SLC15A4: variants seen among roughly 807,000 people sequenced by gnomAD.
SLC15A4 encodes solute carrier family 15 member 4, also known as hPHT1.
Under a neutral mutation model 46.1 loss-of-function variants are expected in SLC15A4, and 26 were observed. That is an observed-to-expected ratio of 0.56 (90% confidence interval 0.41 to 0.78). SLC15A4 has a LOEUF of 0.78. Ranked by LOEUF, SLC15A4 falls within the 30% of genes least tolerant of loss-of-function variation. The pLI, the probability that SLC15A4 is intolerant of heterozygous loss-of-function variation, is 0.00. For synonymous variants in SLC15A4, 370 were observed against 333.4 expected, an observed-to-expected ratio of 1.11 and a Z score of -1.20; for missense variants, 751 against 755.7, an observed-to-expected ratio of 0.99 and a Z score of 0.07.
chr12:128,813,106 C>T (rs4760533), intron 2 of SLC15A4: 90,609 of 151,890 alleles, frequency 0.6, 27,315 homozygotes, highest in Non-Finnish European at 0.65. Context: ...TGAAAAAGAC[C>T]TCTAGGATCC....
intron 2 of SLC15A4, chr12:128,814,190 C>CCGCCGTATGATGGACCTGAG (rs1955706607): frequency 1.3e-5 from 1 of 78,482 alleles, no homozygotes; most frequent in South Asian, 2.4e-4. Flanking sequence ...ACAGACCTGA[C>CCGCCGTATGATGGACCTGAG]CGCCGTATGA....
intron 2 of SLC15A4, chr12:128,814,367 G>C (rs1955714881): frequency 5.3e-6 from 1 of 189,070 alleles, no homozygotes; most frequent in Admixed American, 5.4e-5. Flanking sequence ...GACAGGTACT[G>C]ACAGCATAAG....
At chr12:128,795,904 C>T (rs1195611819) in intron 7 of SLC15A4, among the ~76,000 whole-genome samples, 2 of 152,192 alleles carry the variant, frequency 1.3e-5, no homozygotes, top group Non-Finnish European at 2.9e-5. Flanking sequence ...TGCACGAGGT[C>T]GCAGGTGCGT....
chr12:128,798,829 C>T (rs1245923170), intron 7 of SLC15A4, among the ~76,000 whole-genome samples: 1 of 152,124 alleles, frequency 6.6e-6, no homozygotes, highest in African/African-American at 2.4e-5. Flanking sequence ...TTGTCTTTTT[C>T]GTATCAGAAA....
Position 128,823,408 on chromosome 12 carries a change from C to A in SLC15A4, c.536G>T (p.Gly179Val). Residue 179 changes from glycine (G) to valine (V), a missense_variant, in exon 1 of 8, where the codon GGC becomes GTC. By Grantham distance (109) the Gly-to-Val change is moderately radical. Transcript: ENST00000266771. ...ATVKANITPF[G>V]ADQVKDRGPE... is the part of the protein sequence containing the mutation. ...GGGGGCGCGGCTCACCTGGTCGGCG[C>A]CGAAGGGCGTGATGTTGGCCTTGAC... The A allele has an allele frequency of 2.8e-6, 4 of 1,441,290 alleles. No homozygotes were observed. Among genetic ancestry groups the A allele is most frequent in the Non-Finnish European group, 3.6e-6 (4 of 1,104,014 alleles). The allele number at this position is 1,441,290 out of a possible 1,614,324, so 89.3% of individuals were successfully genotyped here. A position where few individuals can be genotyped will look rare whatever the true frequency, so the allele number is the denominator to read the frequency against.
In SLC15A4 at chr12:128,809,938, C is replaced by T; in HGVS notation, c.1011+5G>A. On this transcript the variant is annotated splice_donor_5th_base_variant and intron_variant, in intron 3 of 7. Coordinates refer to ENST00000266771, the MANE Select transcript of SLC15A4 (RefSeq NM_145648.4). The stretch of plus-strand genomic sequence containing the variant: ...AGGAAATTAAACCTGTTTGTCACCA[C>T]TCACTTGGAAATACACTGTCCAGTA... The T allele has an allele frequency of 1.9e-6, 3 of 1,608,890 alleles. No homozygotes were observed. Among genetic ancestry groups the T allele is most frequent in the Non-Finnish European group, 2.5e-6 (3 of 1,178,212 alleles).
At position 128,806,028 on chromosome 12, in the gene SLC15A4, G is replaced by C. The variant is rs190314946; in HGVS notation, c.1258+2760C>G. 8.0e-3 allele frequency among the ~76,000 whole-genome samples: 1,211 copies of C among 151,838 alleles called. 13 individuals are homozygous for C. Among genetic ancestry groups the C allele is most frequent in the African/African-American group, 0.028 (1,170 of 41,404 alleles). ...ACTAAAAATACAAAAAATTAGCCGG[G>C]CATGGTGGTGGGCACCTGTAGTCCC... is the stretch of plus-strand genomic sequence containing the variant. On this transcript the variant is annotated intron_variant, in intron 5 of 7. Coordinates refer to ENST00000266771, the MANE Select transcript of SLC15A4 (RefSeq NM_145648.4).
Position 128,809,458 on chromosome 12 carries a change from C to T in SLC15A4, c.1027G>A (p.Val343Ile), listed in dbSNP as rs554530750. 1 of 1,606,556 alleles carries T rather than the reference C, an allele frequency of 6.2e-7. No individual in the cohort carries two copies. The highest frequency in any genetic ancestry group is 2.2e-5 in the East Asian group (1 of 44,780). ...TVYFQMQTTYVLQSLHLRIPE... is the reference protein window; with the variant it reads ...TVYFQMQTTYILQSLHLRIPE... ...ATCCTCAAATGAAGACTCTGTAAAA[C>T]ATATGTTGTCTGCATCTAGGTATAA... The change falls in exon 4 of 8, where the codon GTT becomes ATT. Residue 343 changes from valine (V) to isoleucine (I), a missense_variant. Coordinates refer to ENST00000266771, the MANE Select transcript of SLC15A4 (RefSeq NM_145648.4).
rs1382096957 is a variant in SLC15A4, at chr12:128,799,428, A to T, written c.1415-11T>A. The T allele has an allele frequency of 1.9e-6, 3 of 1,613,548 alleles. No homozygotes were observed. Among genetic ancestry groups the T allele is most frequent in the Non-Finnish European group, 2.5e-6 (3 of 1,179,822 alleles). ...ATGCAAATTCCAGGCCTGAGGAAAG[A>T]AAAGGGAGGGTCGTTTTTGTGAAAG... On this transcript the variant is annotated splice_polypyrimidine_tract_variant and intron_variant, in intron 6 of 7. Transcript: ENST00000266771.
chr12:128,799,473 A>G, intron 6 of SLC15A4, 56 bp from the exon 7 acceptor site: 1 of 1,593,696 alleles, frequency 6.3e-7, no homozygotes, highest in Non-Finnish European at 8.6e-7. Context: ...AACACATGGG[A>G]TCAAAGCTTT....
chr12:128,821,448 G>A (rs990987834), intron 1 of SLC15A4, among the ~76,000 whole-genome samples: 5 of 152,244 alleles, frequency 3.3e-5, no homozygotes, highest in African/African-American at 1.2e-4. Context: ...TTCTGCCACT[G>A]CTTAGTGAAA....
rs745816903 is a variant in SLC15A4, at chr12:128,814,875, T to A, written c.742A>T (p.Ile248Phe). The change falls in exon 2 of 8, where the codon ATC becomes TTC. Residue 248 changes from isoleucine to phenylalanine, a missense_variant. Transcript: ENST00000266771. ...VVFLCGQSVF[I>F]TKPPDGSAFT... ...GCACTGCCATCAGGAGGCTTGGTGA[T>A]GAAAACGCTCTGGCCACAGAGGAAG... The A allele has an allele frequency of 1.2e-6, 2 of 1,614,156 alleles. No individual in the cohort carries two copies. The highest frequency in any genetic ancestry group is 1.7e-6 in the Non-Finnish European group (2 of 1,180,024).
intron 1 of SLC15A4, among the ~76,000 whole-genome samples, chr12:128,822,880 ACT>A (rs1424351931): frequency 1.3e-5 from 2 of 150,764 alleles, no homozygotes; most frequent in African/African-American, 4.9e-5. Context: ...GTGGGGTCTC[ACT>A]CTGTTACCCA....
In SLC15A4 at chr12:128,793,864, G is replaced by C. The variant is rs936400374; in HGVS notation, c.*332C>G. ...AAGAAACTGGGATGCCAACTAACACGTGGAGTTCCCCAAGACTTTGCAATC... is the reference window on the plus strand; with the variant it reads ...AAGAAACTGGGATGCCAACTAACACCTGGAGTTCCCCAAGACTTTGCAATC... On this transcript the variant is annotated 3_prime_UTR_variant, in exon 8 of 8. Coordinates refer to ENST00000266771, the MANE Select transcript of SLC15A4 (RefSeq NM_145648.4). The C allele has an allele frequency of 1.5e-5, 3 of 198,250 alleles. No individual in the cohort carries two copies. Among genetic ancestry groups the C allele is most frequent in the Middle Eastern group, 3.1e-3 (2 of 642 alleles). The allele number at this position is 198,250 out of a possible 1,614,324, so 12.3% of individuals were successfully genotyped here. A position where few individuals can be genotyped will look rare whatever the true frequency, so the allele number is the denominator to read the frequency against.
chr12:128,818,850 A>G (rs529150584), intron 1 of SLC15A4, among the ~76,000 whole-genome samples: 1 of 152,236 alleles, frequency 6.6e-6, no homozygotes, highest in East Asian at 1.9e-4. Context: ...TTCCACATCA[A>G]TGGAATCACA....
chr12:128,794,445 G>A, intron 7 of SLC15A4, 89 bp from the exon 8 acceptor site: 2 of 1,259,714 alleles, frequency 1.6e-6, no homozygotes, highest in Non-Finnish European at 2.2e-6. Context: ...TTCCCACTAA[G>A]GTTTAACTGG....
chr12:128,808,701 G>T (rs1264518320), intron 5 of SLC15A4, 87 bp downstream of exon 5: 1 of 1,369,616 alleles, frequency 7.3e-7, no homozygotes, highest in Non-Finnish European at 1.0e-6. Flanking sequence ...TGAACAACCT[G>T]GGGCACGACT....
intron 1 of SLC15A4, among the ~76,000 whole-genome samples, chr12:128,817,536 C>CCA (rs58731655): frequency 0.012 from 1,881 of 152,224 alleles, 37 homozygotes; most frequent in African/African-American, 0.041. Flanking sequence ...ACACACCTTC[C>CCA]CACGGTCTCA....
At chr12:128,799,177 T>G (rs922126027) in intron 7 of SLC15A4, 82 bp downstream of exon 7, 3 of 1,527,366 alleles carry the variant, frequency 2.0e-6, no homozygotes, top group Non-Finnish European at 2.7e-6. Context: ...TGAAAACACC[T>G]CCGCTCACTC....
Sources: allele counts gnomAD v4.1 joint callset (sites outside exome capture counted in the v4.1 genomes callset), GRCh38; gene constraint gnomAD v4.1.1; transcripts MANE v1.5; gene names NCBI Gene and HGNC (gene_info 2026-07-23, HGNC 2026-07-21).